Variants in UBN1 observed in about 807,000 individuals in gnomAD.
The protein encoded by UBN1 is ubinuclein 1.
A neutral mutation model predicts 108.5 loss-of-function variants in UBN1; 17 were observed. That is an observed-to-expected ratio of 0.16 (90% confidence interval 0.11 to 0.24). The LOEUF is 0.24. Among genes scored for constraint, UBN1 ranks in the 10% least tolerant of loss-of-function variants. The pLI, the probability that UBN1 is intolerant of heterozygous loss-of-function variation, is 1.00. For synonymous variants in UBN1, 726 were observed against 564.2 expected, an observed-to-expected ratio of 1.29 and a Z score of -4.07; for missense variants, 1,595 against 1,394.4, an observed-to-expected ratio of 1.14 and a Z score of -2.29.
At chr16:4,849,228 A>G (rs1052768177) in intron 1 of UBN1, among the ~76,000 whole-genome samples, 5 of 152,244 alleles carry the variant, frequency 3.3e-5, no homozygotes, top group African/African-American at 9.6e-5. Context: ...TATATTGCCT[A>G]AAACCTGAAA....
Position 4,874,226 on chromosome 16 carries a change from C to G in UBN1, c.1816C>G (p.Pro606Ala), listed in dbSNP as rs374515728. 2.6e-6 allele frequency: 4 copies of G among 1,561,020 alleles called. No individual in the cohort carries two copies. The highest frequency in any genetic ancestry group is 1.4e-5 in the African/African-American group (1 of 72,442). Residue 606 changes from proline (P) to alanine (A), a missense_variant, in exon 15 of 18, where the codon CCT (proline) becomes GCT (alanine). This residue lies in a region of UBN1 where 1,398 missense variants were observed against 1,194.7 expected (regional missense o/e 1.17). Transcript: ENST00000262376. ...TTTCCTTTAGGAATCGTCTACGAAG[C>G]CTGATAAAAAGGTTTCTGTCCCATC... is the stretch of plus-strand genomic sequence containing the variant. The part of the protein sequence containing the change: ...KIKVKESSTK[P>A]DKKVSVPSGQ...
At chr16:4,858,533 C>T (rs2142156508) in intron 3 of UBN1, 35 bp from the exon 4 acceptor site, 1 of 1,594,522 alleles carries the variant, frequency 6.3e-7, no homozygotes, top group Non-Finnish European at 8.6e-7. Context: ...TGTGTTTATT[C>T]AAAAAGCATG....
intron 7 of UBN1, among the ~76,000 whole-genome samples, chr16:4,864,009 C>T (rs2087195619): frequency 6.6e-6 from 1 of 151,802 alleles, no homozygotes; most frequent in African/African-American, 2.4e-5. Context: ...AGCTAGGGTG[C>T]ACCTCTTTGG....
chr16:4,852,740 A>G lies in UBN1; in HGVS notation c.-39-139A>G, dbSNP rs116638334. ...AAAAAATTTTAGGATGAATAAGCAG[A>G]AAAAAACAATAAATGACAAAATATA... On this transcript the variant is annotated intron_variant, in intron 1 of 17. Transcript: ENST00000262376. The G allele has an allele frequency of 1.5e-3, 1,453 of 972,752 alleles. 24 individuals carry two copies. The African/African-American group carries it at 0.022, about 15-fold the overall frequency. The allele number at this position is 972,752 out of a possible 1,614,324, so 60.3% of individuals were successfully genotyped here.
chr16:4,848,912 C>G (rs2086365158), intron 1 of UBN1, among the ~76,000 whole-genome samples: 1 of 152,070 alleles, frequency 6.6e-6, no homozygotes, highest in Non-Finnish European at 1.5e-5. Context: ...ACCAGCCTGG[C>G]CAACACGGTC....
intron 1 of UBN1, among the ~76,000 whole-genome samples, chr16:4,849,072 C>T (rs1446371068): frequency 6.6e-6 from 1 of 152,174 alleles, no homozygotes; most frequent in African/African-American, 2.4e-5. Flanking sequence ...TGCACTCCAG[C>T]TAGGCGACAG....
chr16:4,876,847 C>T (rs768438675), intron 15 of UBN1, 24 bp from the exon 16 acceptor site: 3 of 1,558,094 alleles, frequency 1.9e-6, no homozygotes, highest in Non-Finnish European at 8.7e-7. Context: ...GGAGTTCTTA[C>T]CGCTTGCTGT....
At chr16:4,850,194 A>T (rs1489997445) in intron 1 of UBN1, among the ~76,000 whole-genome samples, 1 of 152,138 alleles carries the variant, frequency 6.6e-6, no homozygotes, top group African/African-American at 2.4e-5. Flanking sequence ...TTATAAAACA[A>T]CCCCAAATCT....
chr16:4,860,164 G>C (rs1448601819), intron 6 of UBN1, among the ~76,000 whole-genome samples, 196 bp downstream of exon 6: 1 of 152,224 alleles, frequency 6.6e-6, no homozygotes, highest in Non-Finnish European at 1.5e-5. Flanking sequence ...TCCACTGTCA[G>C]TGTTGGCAGC....
chr16:4,876,171 G>C (rs1005721450), intron 15 of UBN1, among the ~76,000 whole-genome samples: 3 of 152,024 alleles, frequency 2.0e-5, no homozygotes, highest in African/African-American at 4.8e-5. Flanking sequence ...TGTTAGCCAG[G>C]ATAGTCTCGA....
At chr16:4,880,061 A>G (rs2088033544) in intron 17 of UBN1, 22 bp from the exon 18 acceptor site, 5 of 1,613,840 alleles carry the variant, frequency 3.1e-6, no homozygotes, top group Admixed American at 1.7e-5. Flanking sequence ...CTTGCGTTCT[A>G]ATTTTTCTTA....
In UBN1 at chr16:4,877,139, A is replaced by G. The variant is rs1229129292; in HGVS notation, c.3265+28A>G. Reference sequence around the variant, plus strand: ...AAGTGCTTCTTTGCTGCCTCTGGTCACTCAGGAACCTCTAGATTGTGGCCA... The same window carrying G: ...AAGTGCTTCTTTGCTGCCTCTGGTCGCTCAGGAACCTCTAGATTGTGGCCA... On this transcript the variant is annotated intron_variant, in intron 16 of 17. Transcript: ENST00000262376. This position sits in a 1 kb window ranked among gnomAD's most constrained non-coding sequence, Gnocchi z 4.3. 2 of 1,583,428 alleles carry G rather than the reference A, an allele frequency of 1.3e-6. No individual in the cohort carries two copies. Among genetic ancestry groups the G allele is most frequent in the Admixed American group, 1.8e-5 (1 of 56,206 alleles).
chr16:4,861,544 G>A lies in UBN1; in HGVS notation c.1110+442G>A, dbSNP rs542858660. Among the ~76,000 whole-genome samples the A allele has an allele frequency of 7.9e-5, 12 of 152,356 alleles. No homozygotes were observed. The South Asian group carries it at 1.9e-3, about 24-fold the overall frequency. Reference sequence around the variant, plus strand: ...GCTTCGTTGCCACTAGGTTTCAGTCGCTCCCTTGCGTTGTGTATCCAGTGT... The same window carrying A: ...GCTTCGTTGCCACTAGGTTTCAGTCACTCCCTTGCGTTGTGTATCCAGTGT... On this transcript the variant is annotated intron_variant, in intron 7 of 17. Coordinates refer to ENST00000262376, the MANE Select transcript of UBN1 (RefSeq NM_001079514.3).
intron 2 of UBN1, among the ~76,000 whole-genome samples, chr16:4,855,727 T>C (rs1344598476): frequency 2.0e-5 from 3 of 151,912 alleles, no homozygotes; most frequent in African/African-American, 7.3e-5. Flanking sequence ...GATACCAGCC[T>C]GATCAACATG....
chr16:4,855,548 C>G lies in UBN1; in HGVS notation c.249+2382C>G, dbSNP rs9933574. Among the ~76,000 whole-genome samples, 1,304 of 137,818 alleles carry G rather than the reference C, an allele frequency of 9.5e-3. 16 individuals carry two copies. Among genetic ancestry groups the G allele is most frequent in the African/African-American group, 0.034 (1,248 of 36,444 alleles). The allele number at this position is 137,818 out of a possible 152,430, so 90.4% of individuals were successfully genotyped here. On this transcript the variant is annotated intron_variant, in intron 2 of 17. Coordinates refer to ENST00000262376, the MANE Select transcript of UBN1 (RefSeq NM_001079514.3). Reference sequence around the variant, plus strand: ...GGAGGATTGCTTGAGCCTGGGAGGTCAAGGTTGCAGTGAGCCGTGATCACA... The same window carrying G: ...GGAGGATTGCTTGAGCCTGGGAGGTGAAGGTTGCAGTGAGCCGTGATCACA...
intron 11 of UBN1, 48 bp from the exon 12 acceptor site, chr16:4,871,107 G>A: frequency 1.9e-6 from 3 of 1,610,192 alleles, no homozygotes; most frequent in Non-Finnish European, 2.5e-6. Context: ...GAACCTTGGA[G>A]CAGCATCTGA....
At chr16:4,864,043 A>C (rs1484424732) in intron 7 of UBN1, among the ~76,000 whole-genome samples, 2 of 149,938 alleles carry the variant, frequency 1.3e-5, no homozygotes, top group East Asian at 3.9e-4. Flanking sequence ...TTGTGGGAGG[A>C]ATCTGTGATC....
In UBN1 at chr16:4,852,140, CTT is replaced by C. The variant is rs1346606036; in HGVS notation, c.-39-736_-39-735del. 10 of 152,244 alleles carry C rather than the reference CTT, an allele frequency of 6.6e-5. No individual in the cohort carries two copies. In the South Asian group the frequency reaches 8.3e-4, roughly 13 times the overall value. 9.4% of individuals were successfully genotyped at this position (152,244 alleles called of 1,614,324 possible). A position where few individuals can be genotyped will look rare whatever the true frequency, so the allele number is the denominator to read the frequency against. ...GAAAGTTCACACTAGAATATGAACT[CTT>C]TTAAAAAGCAGGACACAAAATTGTA... On this transcript the variant is annotated intron_variant, in intron 1 of 17. Coordinates refer to ENST00000262376, the MANE Select transcript of UBN1 (RefSeq NM_001079514.3).
chr16:4,848,366 A>G (rs1456213817), intron 1 of UBN1, 156 bp downstream of exon 1: 1 of 152,352 alleles, frequency 6.6e-6, no homozygotes, highest in African/African-American at 2.4e-5. Flanking sequence ...AGTTGAGCGC[A>G]GCGTCGGCCC....
Sources: allele counts gnomAD v4.1 joint callset (sites outside exome capture counted in the v4.1 genomes callset), GRCh38; gene constraint gnomAD v4.1.1; regional missense constraint gnomAD v4.1.1; non-coding constraint Gnocchi (gnomAD v3.1); transcripts MANE v1.5; gene names NCBI Gene and HGNC (gene_info 2026-07-23, HGNC 2026-07-21).